The following TMEM131 variants were observed in gnomAD, a reference collection of about 807,000 sequenced individuals.
TMEM131 encodes 2610524E03Rik.
TMEM131 carries 66 observed loss-of-function variants against 211.6 expected under a neutral mutation model. That is an observed-to-expected ratio of 0.31 (90% CI 0.26 to 0.38). TMEM131 has a LOEUF of 0.38. Ranked by LOEUF, TMEM131 falls within the 10% of genes least tolerant of loss-of-function variation. TMEM131 has a pLI of 1.00. For missense variants in TMEM131, 2,036 were observed against 2,299.3 expected (o/e 0.89, Z 2.34); for synonymous variants, 844 against 841.3 (o/e 1.00, Z -0.06).
chr2:97,995,910 G>A lies in TMEM131; in HGVS notation c.-248C>T, dbSNP rs962545499. ...AGCGGAGAGGCCGCGGGTCAGGCGC[G>A]GCGGGCGGCCATACTGGAAACGGGC... is the stretch of plus-strand genomic sequence containing the variant. On this transcript the variant is annotated 5_prime_UTR_variant, in exon 1 of 41. Coordinates refer to ENST00000186436, the MANE Select transcript of TMEM131 (RefSeq NM_015348.2). 1.4e-5 allele frequency: 3 copies of A among 215,334 alleles called. No homozygotes were observed. Among genetic ancestry groups the A allele is most frequent in the Non-Finnish European group, 2.7e-5 (3 of 111,012 alleles). The allele number at this position is 215,334 out of a possible 1,614,324, so 13.3% of individuals were successfully genotyped here.
chr2:97,770,482 C>G (rs1679415694), intron 33 of TMEM131, among the ~76,000 whole-genome samples: 1 of 152,176 alleles, frequency 6.6e-6, no homozygotes, highest in Admixed American at 6.5e-5. Flanking sequence ...CCGGTTATTG[C>G]TATAACTGCC....
chr2:97,945,479 TCAA>T (rs757532777), intron 1 of TMEM131, among the ~76,000 whole-genome samples: 11 of 152,152 alleles, frequency 7.2e-5, no homozygotes, highest in African/African-American at 1.2e-4. Flanking sequence ...ATTTTAAAAG[TCAA>T]CAACAGCAAA....
chr2:97,871,447 C>G (rs1018871384), intron 4 of TMEM131, among the ~76,000 whole-genome samples: 1 of 152,178 alleles, frequency 6.6e-6, no homozygotes, highest in Non-Finnish European at 1.5e-5. Flanking sequence ...TCAGAGGGGC[C>G]TGAGATAACC....
chr2:97,945,822 TA>T (rs557918463), intron 1 of TMEM131, among the ~76,000 whole-genome samples: 43 of 152,290 alleles, frequency 2.8e-4, no homozygotes, highest in African/African-American at 7.9e-4. Flanking sequence ...GTAAGACTTC[TA>T]AAAATCTCAA....
At chr2:97,868,529 C>T (rs996925031) in intron 4 of TMEM131, among the ~76,000 whole-genome samples, 13 of 151,996 alleles carry the variant, frequency 8.6e-5, no homozygotes, top group East Asian at 1.9e-4. Flanking sequence ...CTAGGAAAGC[C>T]GTGCCCACAG....
chr2:97,970,085 A>G (rs940486759), intron 1 of TMEM131, among the ~76,000 whole-genome samples: 8 of 152,226 alleles, frequency 5.3e-5, no homozygotes, highest in Admixed American at 5.2e-4. Context: ...AGCCCTAAGT[A>G]CAAAGCATGA....
intron 34 of TMEM131, 27 bp downstream of exon 34, chr2:97,766,451 T>A (rs771917080): frequency 1.9e-6 from 3 of 1,613,850 alleles, no homozygotes; most frequent in Admixed American, 3.3e-5. Context: ...CCGTAAGACA[T>A]GATCATAGAG....
At chr2:97,917,256 C>T (rs375836024) in intron 2 of TMEM131, among the ~76,000 whole-genome samples, 6 of 152,278 alleles carry the variant, frequency 3.9e-5, no homozygotes, top group East Asian at 1.9e-4. Context: ...AGAGACCATT[C>T]GGGACACAAA....
Position 97,995,877 on chromosome 2 carries a change from G to T in TMEM131, c.-215C>A, listed in dbSNP as rs113758020. 7 of 248,920 alleles carry T rather than the reference G, an allele frequency of 2.8e-5. No homozygotes were observed. The highest frequency in any genetic ancestry group is 1.1e-4 in the African/African-American group (5 of 43,866). 15.4% of individuals were successfully genotyped at this position (248,920 alleles called of 1,614,324 possible). Reference sequence around the variant, plus strand: ...GTCTTTGCCTGGGCATCGCCTACAAGCAGTCGGAGCGGAGAGGCCGCGGGT... The same window carrying T: ...GTCTTTGCCTGGGCATCGCCTACAATCAGTCGGAGCGGAGAGGCCGCGGGT... On this transcript the variant is annotated 5_prime_UTR_variant, in exon 1 of 41. Transcript: ENST00000186436.
intron 2 of TMEM131, among the ~76,000 whole-genome samples, chr2:97,920,958 T>TA (rs1211227298): frequency 2.8e-5 from 4 of 143,706 alleles, no homozygotes; most frequent in Non-Finnish European, 6.0e-5. Context: ...GTGACGCTAA[T>TA]AAAAAATCCC....
At chr2:97,943,022 AAAAGAAAAGAAAAGAAAAGAAAGAAAG>A (rs1559464275) in intron 1 of TMEM131, among the ~76,000 whole-genome samples, 1,248 of 59,706 alleles carry the variant, frequency 0.021, 31 homozygotes, top group Middle Eastern at 0.067. Context: ...AAAAGAAAAG[AAAAGAAAAGAAAAGAAAAGAAAGAAAG>A]AAAGAAAGAA....
chr2:97,789,166 C>T (rs1573362420), intron 31 of TMEM131, among the ~76,000 whole-genome samples: 1 of 152,366 alleles, frequency 6.6e-6, no homozygotes, highest in East Asian at 1.9e-4. Context: ...AGTCCAGGCT[C>T]CGCGAGCACT....
intron 5 of TMEM131, among the ~76,000 whole-genome samples, chr2:97,846,520 T>C (rs1683437448): frequency 6.6e-6 from 1 of 152,104 alleles, no homozygotes; most frequent in Non-Finnish European, 1.5e-5. Flanking sequence ...ACTAAGTCAA[T>C]AGAAGAGAAC....
At chr2:97,827,418 A>C in intron 11 of TMEM131, 3 of 1,039,262 alleles carry the variant, frequency 2.9e-6, no homozygotes, top group South Asian at 2.5e-5. Flanking sequence ...GGAAAAGGGG[A>C]GCAAAGGGAA....
intron 4 of TMEM131, among the ~76,000 whole-genome samples, chr2:97,874,727 C>T (rs1239267005): frequency 6.6e-5 from 10 of 152,300 alleles, no homozygotes; most frequent in Non-Finnish European, 1.5e-5. Context: ...GAAGGAAGCA[C>T]TAAATATGGA....
intron 2 of TMEM131, among the ~76,000 whole-genome samples, chr2:97,917,935 GT>G (rs1676577403): frequency 6.6e-6 from 1 of 151,362 alleles, no homozygotes; most frequent in Non-Finnish European, 1.5e-5. Flanking sequence ...CACATGATTG[GT>G]TTTTTTCTCT....
rs1036894968 is a variant in TMEM131, at chr2:97,949,525, A to G, written c.188-22038T>C. ...TATACCTCAATAAATCTGTTTATTAAAAGTCAAGGCCAGGCGTGGTGGCTC... is the reference window on the plus strand; with the variant it reads ...TATACCTCAATAAATCTGTTTATTAGAAGTCAAGGCCAGGCGTGGTGGCTC... On this transcript the variant is annotated intron_variant, in intron 1 of 40. Transcript: ENST00000186436. Among the ~76,000 whole-genome samples, 11 of 152,288 alleles carry G rather than the reference A, an allele frequency of 7.2e-5. No homozygotes were observed. In the South Asian group the frequency reaches 8.3e-4, roughly 11 times the overall value.
chr2:97,882,066 G>A (rs2104211087), intron 4 of TMEM131, among the ~76,000 whole-genome samples: 1 of 152,240 alleles, frequency 6.6e-6, no homozygotes, highest in South Asian at 2.1e-4. Flanking sequence ...CTACTTTCAA[G>A]TTTCACAAAA....
intron 31 of TMEM131, among the ~76,000 whole-genome samples, chr2:97,779,055 A>G (rs1042567305): frequency 6.6e-6 from 1 of 152,264 alleles, no homozygotes; most frequent in East Asian, 1.9e-4. Context: ...AAAATACTGC[A>G]GTCTGGGCCC....
Sources: gnomAD v4.1 joint callset for allele counts (sites outside exome capture counted in the v4.1 genomes callset) on GRCh38, gnomAD v4.1.1 for gene constraint, MANE v1.5 for transcripts, NCBI Gene and HGNC (gene_info 2026-07-23, HGNC 2026-07-21) for gene names.